The following PDZD2 variants were observed in gnomAD, a reference collection of about 807,000 sequenced individuals.
PDZD2 encodes the protein PDZ domain containing 2.
A neutral mutation model predicts 220.7 loss-of-function variants in PDZD2; 90 were observed. That is an observed-to-expected ratio of 0.41 (90% confidence interval 0.34 to 0.49). The LOEUF (loss-of-function observed/expected upper bound fraction) is 0.49. Ranked by LOEUF, PDZD2 falls within the 20% of genes least tolerant of loss-of-function variation. The pLI is 0.28. For synonymous variants in PDZD2, 1,375 were observed against 1,450.5 expected, an observed-to-expected ratio of 0.95 and a Z score of 1.18; for missense variants, 3,174 against 3,608.5, an observed-to-expected ratio of 0.88 and a Z score of 3.08.
At chr5:31,878,831 G>A (rs1422894369) in intron 2 of PDZD2, among the ~76,000 whole-genome samples, 1 of 151,398 alleles carries the variant, frequency 6.6e-6, no homozygotes, top group Non-Finnish European at 1.5e-5. Context: ...AAAGTGCTGG[G>A]ATTACAGGCG....
intron 2 of PDZD2, among the ~76,000 whole-genome samples, chr5:31,979,929 C>T (rs1750150940): frequency 1.3e-5 from 2 of 152,162 alleles, no homozygotes; most frequent in Non-Finnish European, 2.9e-5. Flanking sequence ...TAAGACCGTT[C>T]TTAGGTAAAT....
In PDZD2 at chr5:32,101,183, G is replaced by A. The variant is rs1161483333; in HGVS notation, c.8297G>A (p.Gly2766Glu). ...GCTGGGCTGGGACTGAGTCTGGATG[G>A]GGGAAAATCATCGGTGACGGGAGAT... ...TSAGLGLSLD[G>E]GKSSVTGDGP... Residue 2766 changes from glycine to glutamate, a missense_variant, in exon 24 of 25, where the codon GGG becomes GAG. Around this residue, in one of 4 missense-constraint regions of PDZD2, gnomAD observed 631 missense variants for 789.9 expected, o/e 0.80. Coordinates refer to ENST00000438447, the MANE Select transcript of PDZD2 (RefSeq NM_178140.4). The A allele has an allele frequency of 6.2e-7, 1 of 1,613,984 alleles. No individual in the cohort carries two copies. The highest frequency in any genetic ancestry group is 1.1e-5 in the South Asian group (1 of 91,088).
At chr5:31,903,218 C>T (rs1226831432) in intron 2 of PDZD2, among the ~76,000 whole-genome samples, 7 of 151,394 alleles carry the variant, frequency 4.6e-5, no homozygotes, top group Admixed American at 1.3e-4. Context: ...CGCTTGAACC[C>T]GGGAGGCAGA....
At chr5:31,803,919 G>C (rs1329848295) in intron 2 of PDZD2, among the ~76,000 whole-genome samples, 1 of 151,864 alleles carries the variant, frequency 6.6e-6, no homozygotes. Flanking sequence ...CACACCTGTA[G>C]TCCCAGCTAC....
At position 32,090,720 on chromosome 5, in the gene PDZD2, C is replaced by A. The variant is rs779417006; in HGVS notation, c.7272C>A (p.Thr2424=). 6.8e-6 allele frequency: 11 copies of A among 1,614,044 alleles called. No homozygotes were observed. Among genetic ancestry groups the A allele is most frequent in the Non-Finnish European group, 1.7e-6 (2 of 1,180,014 alleles). Residue 2424 remains threonine, a synonymous_variant, in exon 20 of 25, where the codon ACC becomes ACA. Transcript: ENST00000438447. This position sits in a 1 kb window ranked among gnomAD's most constrained non-coding sequence, Gnocchi z 4.3. Reference sequence around the variant, plus strand: ...AGTCTCCCTCAATCATGACACTGACCATCTCTCGGCAGAACCCACCAGAGA... The same window carrying A: ...AGTCTCCCTCAATCATGACACTGACAATCTCTCGGCAGAACCCACCAGAGA... The part of the protein sequence containing the change: ...MAKSPSIMTL[T]ISRQNPPETS...
At position 32,010,344 on chromosome 5, in the gene PDZD2, G is replaced by A. The variant is rs375106371; in HGVS notation, c.1269G>A (p.Glu423=). The A allele has an allele frequency of 6.2e-6, 10 of 1,604,088 alleles. No homozygotes were observed. The African/African-American group carries it at 1.3e-4, about 21-fold the overall frequency. The change falls in exon 6 of 25, where the codon GAG becomes GAA. Residue 423 remains glutamate, a synonymous_variant. Coordinates refer to ENST00000438447, the MANE Select transcript of PDZD2 (RefSeq NM_178140.4). ...TGTCCCCATAGGAAAACTCCGCAGA[G>A]GACCTCCTCAGGTTAACATCTAAGA... ...LVVASKENSA[E]DLLRLTSKSL... is the part of the protein sequence containing the mutation.
intron 1 of PDZD2, among the ~76,000 whole-genome samples, chr5:31,678,134 G>C (rs574877966): frequency 5.3e-5 from 8 of 152,192 alleles, no homozygotes; most frequent in Admixed American, 2.6e-4. Context: ...GATGGTCAGC[G>C]AGCATTTCCC....
At chr5:31,849,792 C>T (rs1017828043) in intron 2 of PDZD2, among the ~76,000 whole-genome samples, 1 of 148,694 alleles carries the variant, frequency 6.7e-6, no homozygotes, top group Non-Finnish European at 1.5e-5. Context: ...TGCAGTAAGC[C>T]GAGATTGCGC....
At chr5:31,944,256 C>G (rs1000348899) in intron 2 of PDZD2, among the ~76,000 whole-genome samples, 2 of 152,104 alleles carry the variant, frequency 1.3e-5, no homozygotes, top group African/African-American at 4.8e-5. Flanking sequence ...AAAAGGAACC[C>G]TGTCTTAAGG....
rs554026579 is a variant in PDZD2 at position 32,098,800 on chromosome 5, A to C, written c.8218+166A>C. Among the ~76,000 whole-genome samples, 1 of 152,376 alleles carries C rather than the reference A, an allele frequency of 6.6e-6. No individual in the cohort carries two copies. The highest frequency in any genetic ancestry group is 1.9e-4 in the East Asian group (1 of 5,192). ...GCTGCTTACAAAAGCAGTGTTACAA[A>C]TAAATTAGAAAAAAATTAGAAAATT... On this transcript the variant is annotated intron_variant, in intron 23 of 24. Transcript: ENST00000438447. This position sits in a 1 kb window ranked among gnomAD's most constrained non-coding sequence, Gnocchi z 4.1.
chr5:31,748,454 C>G lies in PDZD2; in HGVS notation c.-360-50435C>G, dbSNP rs1261750164. 3.9e-5 allele frequency among the ~76,000 whole-genome samples: 6 copies of G among 152,238 alleles called. No individual in the cohort carries two copies. In the South Asian group the frequency reaches 1.0e-3, roughly 26 times the overall value. On this transcript the variant is annotated intron_variant, in intron 1 of 24. Coordinates refer to ENST00000438447, the MANE Select transcript of PDZD2 (RefSeq NM_178140.4). ...AAGCTGTTTCAGAGACAATATCCCC[C>G]TTTCAAAACATAGCACATAATTCCA...
intron 1 of PDZD2, among the ~76,000 whole-genome samples, chr5:31,729,033 C>T (rs553047209): frequency 6.8e-6 from 1 of 147,306 alleles, no homozygotes; most frequent in South Asian, 2.2e-4. Flanking sequence ...TGTGCATCTT[C>T]TATGGTCTAT....
At position 32,083,941 on chromosome 5, in the gene PDZD2, G is replaced by T. The variant is rs1742208300; in HGVS notation, c.3683-3190G>T. ...ATCTGCCTGGCCTCAGCATCCCAAA[G>T]TGCTGGGATTACAGGCATGAGCCAC... On this transcript the variant is annotated intron_variant, in intron 19 of 24. Coordinates refer to ENST00000438447, the MANE Select transcript of PDZD2 (RefSeq NM_178140.4). The surrounding 1 kb of genome is among the most constrained non-coding windows in gnomAD (Gnocchi z 4.1). Among the ~76,000 whole-genome samples, 1 of 152,126 alleles carries T rather than the reference G, an allele frequency of 6.6e-6. No individual in the cohort carries two copies.
At chr5:32,052,554 A>G in intron 8 of PDZD2, 57 bp from the exon 9 acceptor site, 4 of 1,551,464 alleles carry the variant, frequency 2.6e-6, no homozygotes, top group Non-Finnish European at 3.6e-6. Flanking sequence ...TTTCTGCCAG[A>G]TACCACAATA....
At chr5:32,057,800 A>C (rs879033839) in intron 11 of PDZD2, 72 bp downstream of exon 11, 2 of 1,379,884 alleles carry the variant, frequency 1.4e-6, no homozygotes, top group African/African-American at 3.0e-5. Flanking sequence ...GGGTTTGGTG[A>C]GTTGTTTTTT....
At chr5:31,792,638 G>A (rs1486028079) in intron 1 of PDZD2, among the ~76,000 whole-genome samples, 1 of 151,918 alleles carries the variant, frequency 6.6e-6, no homozygotes, top group Non-Finnish European at 1.5e-5. Flanking sequence ...GGCTGATCTC[G>A]AGTTTCTGAC....
chr5:31,894,554 C>T (rs573747419), intron 2 of PDZD2, among the ~76,000 whole-genome samples: 78 of 152,174 alleles, frequency 5.1e-4, no homozygotes, highest in South Asian at 1.0e-3. Flanking sequence ...CTCTTCAATC[C>T]CACCACTCAG....
intron 1 of PDZD2, among the ~76,000 whole-genome samples, chr5:31,660,741 A>C (rs1302640597): frequency 6.6e-6 from 1 of 152,126 alleles, no homozygotes; most frequent in African/African-American, 2.4e-5. Flanking sequence ...GACAAAGCTA[A>C]ACCATATCAG....
chr5:31,997,553 G>A (rs1232334088), intron 4 of PDZD2, among the ~76,000 whole-genome samples: 1 of 152,202 alleles, frequency 6.6e-6, no homozygotes, highest in African/African-American at 2.4e-5. Flanking sequence ...GCTCCTGTCA[G>A]ATAGACAGTT....
Sources: allele counts gnomAD v4.1 joint callset (sites outside exome capture counted in the v4.1 genomes callset), GRCh38; gene constraint gnomAD v4.1.1; regional missense constraint gnomAD v4.1.1; non-coding constraint Gnocchi (gnomAD v3.1); transcripts MANE v1.5; gene names NCBI Gene and HGNC (gene_info 2026-07-23, HGNC 2026-07-21).